The following FGF14 variants were observed in gnomAD, a reference collection of about 807,000 sequenced individuals.
FGF14 encodes fibroblast growth factor homologous factor 4.
Under a neutral mutation model 25.5 loss-of-function variants are expected in FGF14, and 5 were observed. The ratio of observed to expected loss-of-function variants is 0.20; its 90% CI spans 0.10 to 0.41. The LOEUF is 0.41. FGF14 is among the 10% of genes least tolerant of loss of function. FGF14 has a pLI of 1.00. For synonymous variants in FGF14, 138 were observed against 118.3 expected, an observed-to-expected ratio of 1.17 and a Z score of -1.08; for missense variants, 222 against 320.1, an observed-to-expected ratio of 0.69 and a Z score of 2.34.
chr13:102,095,287 G>A (rs2140261576), intron 1 of FGF14, among the ~76,000 whole-genome samples: 1 of 152,236 alleles, frequency 6.6e-6, no homozygotes, highest in East Asian at 1.9e-4. Context: ...CCAGAGTAGA[G>A]AAATTAACAG....
intron 1 of FGF14, among the ~76,000 whole-genome samples, chr13:101,925,369 A>G (rs1301563331): frequency 6.6e-6 from 1 of 152,196 alleles, no homozygotes; most frequent in East Asian, 1.9e-4. Context: ...CAGGGACTAC[A>G]TATTCTACAT....
intron 3 of FGF14, among the ~76,000 whole-genome samples, chr13:101,763,099 G>T (rs553831689): frequency 6.6e-6 from 1 of 152,224 alleles, no homozygotes; most frequent in Non-Finnish European, 1.5e-5. Context: ...AGAATGCACA[G>T]AAGTAAGCAA....
chr13:102,370,151 C>T (rs2057834603), intron 1 of FGF14, among the ~76,000 whole-genome samples: 1 of 151,956 alleles, frequency 6.6e-6, no homozygotes, highest in Admixed American at 6.6e-5. Flanking sequence ...GCCACCATGC[C>T]CAGCTAATTT....
intron 1 of FGF14, among the ~76,000 whole-genome samples, chr13:102,299,133 T>C (rs79985017): frequency 0.011 from 1,647 of 152,240 alleles, 29 homozygotes; most frequent in African/African-American, 0.037. Flanking sequence ...TCCAAGCTGT[T>C]AGAATTTTCT....
chr13:101,886,773 A>C (rs2046008567), intron 1 of FGF14, among the ~76,000 whole-genome samples: 1 of 152,152 alleles, frequency 6.6e-6, no homozygotes, highest in African/African-American at 2.4e-5. Flanking sequence ...ACAGAATGAG[A>C]AAATATTTGC....
intron 1 of FGF14, among the ~76,000 whole-genome samples, chr13:102,341,817 T>C (rs985814814): frequency 1.3e-5 from 2 of 152,158 alleles, no homozygotes; most frequent in African/African-American, 4.8e-5. Flanking sequence ...ATAGGTGCCC[T>C]GGAGAGATTG....
chr13:102,044,910 T>C (rs980731328), intron 1 of FGF14, among the ~76,000 whole-genome samples: 2 of 152,234 alleles, frequency 1.3e-5, no homozygotes, highest in Admixed American at 6.5e-5. Flanking sequence ...ATTTTGCCGA[T>C]GTTGGTGTAC....
rs1243548237 is a variant in FGF14 at position 101,850,468 on chromosome 13, A to G, written c.408+18257T>C. Among the ~76,000 whole-genome samples, 4 of 6,876 alleles carry G rather than the reference A, an allele frequency of 5.8e-4. 1 individual carries two copies. The highest frequency in any genetic ancestry group is 3.0e-3 in the Admixed American group (1 of 336). The allele number at this position is 6,876 out of a possible 152,430, so 4.5% of individuals were successfully genotyped here. Reference sequence around the variant, plus strand: ...GACTCTGTCTCTAAAGGCAATATATATATATATATATATATATATATATAT... The same window carrying G: ...GACTCTGTCTCTAAAGGCAATATATGTATATATATATATATATATATATAT... On this transcript the variant is annotated intron_variant, in intron 3 of 4. Transcript: ENST00000376143.
At chr13:101,954,069 T>G (rs752509692) in intron 1 of FGF14, among the ~76,000 whole-genome samples, 18 of 152,142 alleles carry the variant, frequency 1.2e-4, no homozygotes, top group Non-Finnish European at 1.9e-4. Flanking sequence ...GACAGAAAAC[T>G]GTCCTTCTAA....
rs191621694 is a variant in FGF14, at chr13:101,824,724, A to G, written c.408+44001T>C. ...TCTTAGGATGGGAGCTGGTTGCCAG[A>G]GGAACCGACCACGTGATTTGAGGAT... On this transcript the variant is annotated intron_variant, in intron 3 of 4. Transcript: ENST00000376143. 1.1e-3 allele frequency among the ~76,000 whole-genome samples: 175 copies of G among 152,306 alleles called. 1 individual carries two copies. The highest frequency in any genetic ancestry group is 2.2e-3 in the Non-Finnish European group (153 of 68,030).
At chr13:101,851,315 C>G (rs1281751717) in intron 3 of FGF14, among the ~76,000 whole-genome samples, 1 of 151,992 alleles carries the variant, frequency 6.6e-6, no homozygotes, top group East Asian at 1.9e-4. Flanking sequence ...AGATTGCCAG[C>G]AAACTCAGCA....
chr13:101,826,813 AT>A (rs1290352711), intron 3 of FGF14, among the ~76,000 whole-genome samples: 2 of 152,000 alleles, frequency 1.3e-5, no homozygotes, highest in African/African-American at 4.8e-5. Flanking sequence ...AATATGTATA[AT>A]TCTAATGTAT....
At chr13:101,765,045 G>A (rs7320370) in intron 3 of FGF14, among the ~76,000 whole-genome samples, 4 of 151,884 alleles carry the variant, frequency 2.6e-5, no homozygotes, top group African/African-American at 7.3e-5. Flanking sequence ...TGTGAGCAAG[G>A]AGCTCTCCTT....
At chr13:101,825,601 T>A (rs1333012316) in intron 3 of FGF14, among the ~76,000 whole-genome samples, 1 of 152,140 alleles carries the variant, frequency 6.6e-6, no homozygotes, top group Admixed American at 6.5e-5. Flanking sequence ...TACAGAAAAG[T>A]CCACTCAGAT....
Position 102,060,149 on chromosome 13 carries a change from C to T in FGF14, c.209-184853G>A, listed in dbSNP as rs1269720859. On this transcript the variant is annotated intron_variant, in intron 1 of 4. Coordinates refer to the FGF14 transcript ENST00000376131. ...CTCAACTGGTAAGTATAATATGATG[C>T]AAATATTCAAAAAAAAAAAAATCCC... is the stretch of plus-strand genomic sequence containing the variant. Among the ~76,000 whole-genome samples the T allele has an allele frequency of 6.3e-5, 9 of 142,674 alleles. No homozygotes were observed. The East Asian group carries it at 1.4e-3, about 22-fold the overall frequency. 93.6% of individuals were successfully genotyped at this position (142,674 alleles called of 152,430 possible).
chr13:102,095,369 AT>A (rs2044345981), intron 1 of FGF14, among the ~76,000 whole-genome samples: 1 of 152,132 alleles, frequency 6.6e-6, no homozygotes, highest in South Asian at 2.1e-4. Context: ...AAGGGTTCCA[AT>A]TATCCGAGAT....
At chr13:102,092,694 T>C (rs1355741907) in intron 1 of FGF14, among the ~76,000 whole-genome samples, 1 of 152,152 alleles carries the variant, frequency 6.6e-6, no homozygotes, top group Non-Finnish European at 1.5e-5. Context: ...GTAATAACAA[T>C]AGTAATATTT....
At chr13:102,146,835 T>C (rs2046875044) in intron 1 of FGF14, among the ~76,000 whole-genome samples, 1 of 152,100 alleles carries the variant, frequency 6.6e-6, no homozygotes, top group South Asian at 2.1e-4. Flanking sequence ...AGACCACTAA[T>C]GAGAACGAAT....
At chr13:102,107,971 T>C (rs1049759990) in intron 1 of FGF14, among the ~76,000 whole-genome samples, 2 of 152,200 alleles carry the variant, frequency 1.3e-5, no homozygotes, top group African/African-American at 4.8e-5. Flanking sequence ...ATGTAAAATA[T>C]TCTCATGGTT....
Sources: gnomAD v4.1 joint callset for allele counts (sites outside exome capture counted in the v4.1 genomes callset) on GRCh38, gnomAD v4.1.1 for gene constraint, MANE v1.5 for transcripts, NCBI Gene and HGNC (gene_info 2026-07-23, HGNC 2026-07-21) for gene names.